NBPF4: variants seen among roughly 807,000 people sequenced by gnomAD.
NBPF4 encodes NBPF family member NBPF4.
In NBPF4, 11 loss-of-function variants were observed where a neutral mutation model predicts 21.1. That is an observed-to-expected ratio of 0.52 (90% confidence interval 0.33 to 0.86). The LOEUF is 0.86. Among genes scored for constraint, NBPF4 ranks in the 40% least tolerant of loss-of-function variants. NBPF4 has a pLI of 0.03. For synonymous variants in NBPF4, 47 were observed against 106.4 expected (o/e 0.44, Z 3.43); for missense variants, 88 against 265.3 (o/e 0.33, Z 4.64).
At chr1:108,241,339 T>TATATAC (rs1553260162) in intron 3 of NBPF4, among the ~76,000 whole-genome samples, 175 bp from the exon 4 acceptor site, 1 of 110,280 alleles carries the variant, frequency 9.1e-6, no homozygotes, top group African/African-American at 3.2e-5. Context: ...TATATATATA[T>TATATAC]ACACACACAC....
chr1:108,263,602 C>T, the NBPF4 span, among the ~76,000 whole-genome samples: 1 of 110,678 alleles, frequency 9.0e-6, no homozygotes, highest in African/African-American at 3.8e-5. Context: ...ATCAGGTTCT[C>T]CAAGGTTGAA....
chr1:108,260,056 G>GC, the NBPF4 span, among the ~76,000 whole-genome samples: 1 of 112,006 alleles, frequency 8.9e-6, no homozygotes, highest in Non-Finnish European at 1.8e-5. Context: ...AGTATGTAGT[G>GC]CCCACTGAGT....
upstream of NBPF4, among the ~76,000 whole-genome samples, chr1:108,247,985 T>A (rs865780421): frequency 1.3e-5 from 2 of 151,964 alleles, no homozygotes; most frequent in Non-Finnish European, 2.9e-5. Flanking sequence ...GGCTATTTTT[T>A]TTTTTTAATT....
chr1:108,264,080 GAC>G, the NBPF4 span, among the ~76,000 whole-genome samples: 2 of 103,194 alleles, frequency 1.9e-5, no homozygotes, highest in African/African-American at 4.3e-5. Flanking sequence ...CCAATTAAAA[GAC>G]ACAGAATGGC....
At chr1:108,223,902 A>T (rs1296569292) in intron 14 of NBPF4, among the ~76,000 whole-genome samples, 156 bp from the exon 15 acceptor site, 1 of 152,008 alleles carries the variant, frequency 6.6e-6, no homozygotes, top group African/African-American at 2.4e-5. Context: ...AGAAGGGGGA[A>T]GCACCATCCA....
At chr1:108,241,389 T>C (rs1451001057) in intron 3 of NBPF4, among the ~76,000 whole-genome samples, 3 of 145,010 alleles carry the variant, frequency 2.1e-5, no homozygotes, top group African/African-American at 7.9e-5. Flanking sequence ...TACACACACA[T>C]ATATATACAA....
intron 14 of NBPF4, 75 bp from the exon 15 acceptor site, chr1:108,223,821 T>C (rs1649391484): frequency 1.5e-6 from 2 of 1,330,904 alleles, no homozygotes; most frequent in Non-Finnish European, 2.1e-6. Flanking sequence ...TCTGGAGGGA[T>C]TGCTAAGCAG....
In NBPF4 at chr1:108,243,918, A is replaced by AACACG; in HGVS notation, c.-60_-56dup. 1.1e-6 allele frequency: 1 copy of AACACG among 933,260 alleles called. No individual in the cohort carries two copies. Among genetic ancestry groups the AACACG allele is most frequent in the South Asian group, 2.7e-5 (1 of 36,632 alleles). The allele number at this position is 933,260 out of a possible 1,614,324, so 57.8% of individuals were successfully genotyped here. A position where few individuals can be genotyped will look rare whatever the true frequency, so the allele number is the denominator to read the frequency against. On this transcript the variant is annotated 5_prime_UTR_variant, in exon 1 of 15. Coordinates refer to ENST00000415641, the MANE Select transcript of NBPF4 (RefSeq NM_001143989.3). ...ACTTACAGTTGAGAAAAAGTTGATG[A>AACACG]ACACGACACAACACTTTAGAGTCCT...
chr1:108,259,893 T>A, the NBPF4 span, among the ~76,000 whole-genome samples: 1 of 145,148 alleles, frequency 6.9e-6, no homozygotes, highest in Non-Finnish European at 1.5e-5. Context: ...TTTGGTTAGG[T>A]CAGAGACTAA....
At chr1:108,256,585 C>G in the NBPF4 span, among the ~76,000 whole-genome samples, 17 of 94,442 alleles carry the variant, frequency 1.8e-4, no homozygotes, top group Non-Finnish European at 3.2e-4. Flanking sequence ...CCCCTCCCTC[C>G]CTCTCTCCCT....
At chr1:108,245,077 G>A (rs1199631969), upstream of NBPF4, among the ~76,000 whole-genome samples, 1 of 78,220 alleles carries the variant, frequency 1.3e-5, no homozygotes, top group Non-Finnish European at 2.6e-5. Flanking sequence ...TAGAAGGTGA[G>A]TTTGAGATGA....
chr1:108,254,168 G>T, the NBPF4 span, among the ~76,000 whole-genome samples: 1 of 57,726 alleles, frequency 1.7e-5, no homozygotes, highest in Non-Finnish European at 3.2e-5. Context: ...TCCACTTTCC[G>T]GGTTCAAGCG....
intron 14 of NBPF4, 118 bp from the exon 15 acceptor site, chr1:108,223,864 T>A (rs1649393592): frequency 2.9e-5 from 34 of 1,155,356 alleles, no homozygotes; most frequent in Non-Finnish European, 4.0e-5. Flanking sequence ...GCTGGGAGGA[T>A]GAGCTGAAGG....
rs1298858415 is a variant in NBPF4 at position 108,223,123 on chromosome 1, A to G, written c.*582T>C. 6.6e-6 allele frequency among the ~76,000 whole-genome samples: 1 copy of G among 152,196 alleles called. No individual in the cohort carries two copies. The highest frequency in any genetic ancestry group is 1.9e-4 in the East Asian group (1 of 5,182). On this transcript the variant is annotated 3_prime_UTR_variant, in exon 15 of 15. Transcript: ENST00000415641. ...TCACCACCATCAATGACAACAACAAAAAGATGAGGAGATGTTTTGGGTTCA... is the reference window on the plus strand; with the variant it reads ...TCACCACCATCAATGACAACAACAAGAAGATGAGGAGATGTTTTGGGTTCA...
At position 108,234,775 on chromosome 1, in the gene NBPF4, G is replaced by A. The variant is rs988571296; in HGVS notation, c.1029-364C>T. Among the ~76,000 whole-genome samples, 5 of 68,210 alleles carry A rather than the reference G, an allele frequency of 7.3e-5. 1 individual carries two copies. The highest frequency in any genetic ancestry group is 4.0e-4 in the Admixed American group (2 of 4,948). 44.7% of individuals were successfully genotyped at this position (68,210 alleles called of 152,430 possible). A position where few individuals can be genotyped will look rare whatever the true frequency, so the allele number is the denominator to read the frequency against. Reference sequence around the variant, plus strand: ...ATGATGTTAAATTTTATGTGTAGTGGCCAAGTAAACATAGGTTTTGAGGCA... The same window carrying A: ...ATGATGTTAAATTTTATGTGTAGTGACCAAGTAAACATAGGTTTTGAGGCA... On this transcript the variant is annotated intron_variant, in intron 9 of 14. Coordinates refer to ENST00000415641, the MANE Select transcript of NBPF4 (RefSeq NM_001143989.3).
At chr1:108,257,743 T>A in the NBPF4 span, among the ~76,000 whole-genome samples, 47 of 134,632 alleles carry the variant, frequency 3.5e-4, no homozygotes, top group Admixed American at 3.2e-3. Flanking sequence ...ATTTTATCAA[T>A]CTTTTTTTCT....
chr1:108,256,589 T>TCTCC, the NBPF4 span, among the ~76,000 whole-genome samples: 516 of 77,414 alleles, frequency 6.7e-3, 9 homozygotes, highest in African/African-American at 0.024. Flanking sequence ...TCCCTCCCTC[T>TCTCC]CTCCCTCCCT....
the NBPF4 span, among the ~76,000 whole-genome samples, chr1:108,257,671 T>C: frequency 7.0e-6 from 1 of 143,218 alleles, no homozygotes; most frequent in Non-Finnish European, 1.5e-5. Context: ...TTTTCATGTT[T>C]GTCAAATATC....
chr1:108,224,905 G>T (rs914556280), intron 14 of NBPF4, among the ~76,000 whole-genome samples: 1 of 150,176 alleles, frequency 6.7e-6, no homozygotes, highest in African/African-American at 2.4e-5. Context: ...ATTTGTTATT[G>T]TATGCTCTTC....
Sources: allele counts gnomAD v4.1 joint callset (sites outside exome capture counted in the v4.1 genomes callset), GRCh38; gene constraint gnomAD v4.1.1; transcripts MANE v1.5; gene names NCBI Gene and HGNC (gene_info 2026-07-23, HGNC 2026-07-21).